Variants in PIK3C2A observed in about 807,000 individuals in gnomAD.
The protein encoded by PIK3C2A is phosphatidylinositol 4-phosphate 3-kinase C2 domain-containing subunit alpha.
A neutral mutation model predicts 204.5 loss-of-function variants in PIK3C2A; 97 were observed. The observed-to-expected ratio is 0.47, with a 90% CI of 0.40 to 0.56. PIK3C2A has a LOEUF of 0.56. PIK3C2A is among the 20% of genes least tolerant of loss of function. PIK3C2A has a pLI of 0.00. For missense variants in PIK3C2A, 1,735 were observed against 1,969.2 expected (o/e 0.88, Z 2.25); for synonymous variants, 653 against 664.4 (o/e 0.98, Z 0.26).
chr11:17,105,477 T>C (rs932215628), intron 22 of PIK3C2A, among the ~76,000 whole-genome samples, 172 bp from the exon 23 acceptor site: 1 of 152,246 alleles, frequency 6.6e-6, no homozygotes, highest in Non-Finnish European at 1.5e-5. Flanking sequence ...TTGCTACACC[T>C]ACCAACCCGT....
chr11:17,122,389 C>A, intron 14 of PIK3C2A, 56 bp from the exon 15 acceptor site: 2 of 1,076,192 alleles, frequency 1.9e-6, no homozygotes, highest in Non-Finnish European at 2.7e-6. Context: ...GCCACATTAA[C>A]CTCTTTGTCT....
At chr11:17,174,014 T>C (rs1184657929) in intron 1 of PIK3C2A, among the ~76,000 whole-genome samples, 1 of 151,950 alleles carries the variant, frequency 6.6e-6, no homozygotes, top group Non-Finnish European at 1.5e-5. Flanking sequence ...TAGAGACTAA[T>C]AGCGTTTTGC....
At chr11:17,154,744 A>C (rs1443174106) in intron 3 of PIK3C2A, among the ~76,000 whole-genome samples, 1 of 152,196 alleles carries the variant, frequency 6.6e-6, no homozygotes, top group East Asian at 1.9e-4. Flanking sequence ...AAGGAAATGG[A>C]GTGGACAAGG....
At chr11:17,133,927 CA>C (rs1009962086) in intron 11 of PIK3C2A, among the ~76,000 whole-genome samples, 24 of 145,022 alleles carry the variant, frequency 1.7e-4, no homozygotes, top group Admixed American at 2.8e-4. Flanking sequence ...GACTCCATCT[CA>C]AAAAAAAAAA....
chr11:17,146,726 G>GA (rs142273834), intron 6 of PIK3C2A, among the ~76,000 whole-genome samples: 21,099 of 133,416 alleles, frequency 0.16, 1,582 homozygotes, highest in Middle Eastern at 0.27. Flanking sequence ...GTCTCCAAAA[G>GA]AAAAAAAAAA....
At chr11:17,199,122 A>AAT (rs2137576769) in intron 1 of PIK3C2A, among the ~76,000 whole-genome samples, 1 of 101,030 alleles carries the variant, frequency 9.9e-6, no homozygotes, top group South Asian at 3.0e-4. Flanking sequence ...CCGTCTCAAG[A>AAT]AAAAAAAAAA....
At chr11:17,114,080 A>AGAAT (rs1555018883) in intron 20 of PIK3C2A, among the ~76,000 whole-genome samples, 3 of 143,304 alleles carry the variant, frequency 2.1e-5, no homozygotes, top group African/African-American at 7.7e-5. Context: ...TTTGTCTCAA[A>AGAAT]AAATAAATAA....
chr11:17,200,385 A>C (rs1852323977), intron 1 of PIK3C2A, among the ~76,000 whole-genome samples: 1 of 152,156 alleles, frequency 6.6e-6, no homozygotes, highest in Non-Finnish European at 1.5e-5. Flanking sequence ...TTTTCTGTAA[A>C]TTGGTAACTT....
intron 13 of PIK3C2A, among the ~76,000 whole-genome samples, chr11:17,126,286 C>T (rs774559041): frequency 1.1e-4 from 16 of 151,964 alleles, no homozygotes; most frequent in Non-Finnish European, 2.1e-4. Flanking sequence ...TGGTAGCTCA[C>T]GCCTATAATC....
intron 24 of PIK3C2A, among the ~76,000 whole-genome samples, chr11:17,102,280 CA>C (rs1016081310): frequency 2.6e-5 from 4 of 151,852 alleles, no homozygotes; most frequent in African/African-American, 9.7e-5. Flanking sequence ...ACTAAAAATA[CA>C]AAAAAATTAG....
chr11:17,166,307 G>A (rs59650806), intron 2 of PIK3C2A, among the ~76,000 whole-genome samples: 2 of 151,964 alleles, frequency 1.3e-5, no homozygotes, highest in African/African-American at 2.4e-5. Context: ...TAAAGAGTTC[G>A]GTTTGAGTAT....
intron 23 of PIK3C2A, among the ~76,000 whole-genome samples, chr11:17,103,308 A>G (rs944566447): frequency 3.9e-5 from 6 of 152,056 alleles, no homozygotes; most frequent in African/African-American, 1.4e-4. Flanking sequence ...TTTGTTTCCC[A>G]TGTGGTGATT....
At chr11:17,196,030 CTT>C (rs1485813690) in intron 1 of PIK3C2A, among the ~76,000 whole-genome samples, 1 of 151,736 alleles carries the variant, frequency 6.6e-6, no homozygotes, top group Non-Finnish European at 1.5e-5. Context: ...CAGAGCGAGA[CTT>C]CATCTCGAAA....
chr11:17,096,250 G>C (rs1320528942), intron 27 of PIK3C2A, among the ~76,000 whole-genome samples: 1 of 143,484 alleles, frequency 7.0e-6, no homozygotes, highest in Admixed American at 6.9e-5. Flanking sequence ...TGTTGGCCAG[G>C]CTGGTCTTGA....
intron 15 of PIK3C2A, among the ~76,000 whole-genome samples, chr11:17,120,983 G>C (rs1215285177): frequency 1.3e-5 from 2 of 152,022 alleles, no homozygotes; most frequent in African/African-American, 4.8e-5. Context: ...CTCCCAAAGT[G>C]CTGAGATTAC....
rs940260278 is a variant in PIK3C2A at position 17,094,319 on chromosome 11, C to T, written c.4393G>A (p.Glu1465Lys). Residue 1465 changes from glutamate (E) to lysine (K), a missense_variant, in exon 28 of 33, where the codon GAA becomes AAA. Transcript: ENST00000691414. Reference protein sequence around the residue: ...EPSFVFRTFDEFQELHNKLSI... With the variant: ...EPSFVFRTFDKFQELHNKLSI... ...AGCTTATTGTGAAGTTCCTGAAATT[C>T]GTCAAATGTTCGGAAGACAAATGAT... 13 of 1,610,050 alleles carry T rather than the reference C, an allele frequency of 8.1e-6. No individual in the cohort carries two copies. The highest frequency in any genetic ancestry group is 1.1e-5 in the Non-Finnish European group (13 of 1,176,450).
At chr11:17,162,266 G>A (rs950128907) in intron 2 of PIK3C2A, among the ~76,000 whole-genome samples, 24 of 151,478 alleles carry the variant, frequency 1.6e-4, no homozygotes, top group East Asian at 1.9e-4. Flanking sequence ...GCTTGAACCC[G>A]AGACGTGGAG....
rs1848556035 is a variant in PIK3C2A at position 17,099,603 on chromosome 11, T to C, written c.4118+257A>G. ...CACATGGCACTGTAGAAAAATATGT[T>C]TTTATCATTGAAATTACATATTAAA... On this transcript the variant is annotated intron_variant, in intron 26 of 32. Transcript: ENST00000691414. Among the ~76,000 whole-genome samples the C allele has an allele frequency of 2.0e-5, 3 of 152,156 alleles. No individual in the cohort carries two copies. In the South Asian group the frequency reaches 6.2e-4, roughly 32 times the overall value.
In PIK3C2A at chr11:17,129,445, A is replaced by C. The variant is rs766120676; in HGVS notation, c.2254T>G (p.Ser752Ala). 5.6e-6 allele frequency: 9 copies of C among 1,605,766 alleles called. No individual in the cohort carries two copies. The highest frequency in any genetic ancestry group is 1.3e-5 in the African/African-American group (1 of 74,702). ...AGAACTGATTCTAATGGCAATTGTGATATCTGGATAGGAAAAATGATTCTA... is the reference window on the plus strand; with the variant it reads ...AGAACTGATTCTAATGGCAATTGTGCTATCTGGATAGGAAAAATGATTCTA... ...DELIIFPIQI[S>A]QLPLESVLHL... The change falls in exon 13 of 33, where the codon TCA becomes GCA. Residue 752 changes from serine to alanine, a missense_variant. Physicochemically the swap from Ser to Ala is moderately conservative, Grantham distance 99 (BLOSUM62 1). Coordinates refer to ENST00000691414, the MANE Select transcript of PIK3C2A (RefSeq NM_002645.4).
Sources: gnomAD v4.1 joint callset for allele counts (sites outside exome capture counted in the v4.1 genomes callset) on GRCh38, gnomAD v4.1.1 for gene constraint, MANE v1.5 for transcripts, NCBI Gene and HGNC (gene_info 2026-07-23, HGNC 2026-07-21) for gene names.